Variants in NEGR1 observed in about 807,000 individuals in gnomAD.
NEGR1 encodes the protein neuronal growth regulator 1, also known as IgLON family member 4.
NEGR1 carries 10 observed loss-of-function variants against 40.9 expected under a neutral mutation model. The ratio of observed to expected loss-of-function variants is 0.24; its 90% confidence interval spans 0.15 to 0.42. The LOEUF is 0.42. Ranked by LOEUF, NEGR1 falls within the 10% of genes least tolerant of loss-of-function variation. NEGR1 has a pLI of 1.00. For synonymous variants in NEGR1, 185 were observed against 166.8 expected (o/e 1.11, Z -0.84); for missense variants, 352 against 438.9 (o/e 0.80, Z 1.77).
At chr1:72,147,995 CTG>C (rs1229592573) in intron 1 of NEGR1, among the ~76,000 whole-genome samples, 2 of 152,084 alleles carry the variant, frequency 1.3e-5, no homozygotes, top group East Asian at 3.9e-4. Context: ...CATTGAGTGT[CTG>C]TGGCTTTTCC....
At chr1:71,439,990 C>T (rs1453181202) in intron 6 of NEGR1, among the ~76,000 whole-genome samples, 1 of 151,972 alleles carries the variant, frequency 6.6e-6, no homozygotes, top group Non-Finnish European at 1.5e-5. Flanking sequence ...ATAGTACTTC[C>T]TGCATAATTT....
At chr1:71,934,998 C>T (rs988575409) in intron 2 of NEGR1, 81 bp downstream of exon 2, 1 of 783,756 alleles carries the variant, frequency 1.3e-6, no homozygotes, top group South Asian at 1.6e-5. Flanking sequence ...TTGTTAACTG[C>T]TTCCTAGTCA....
intron 6 of NEGR1, among the ~76,000 whole-genome samples, chr1:71,528,974 G>T (rs1352592204): frequency 6.6e-6 from 1 of 150,934 alleles, no homozygotes; most frequent in Non-Finnish European, 1.5e-5. Context: ...TTTATTTTTA[G>T]GTATAGATGA....
intron 3 of NEGR1, among the ~76,000 whole-genome samples, chr1:71,763,981 A>G (rs1356553925): frequency 6.6e-6 from 1 of 152,192 alleles, no homozygotes; most frequent in Admixed American, 6.5e-5. Context: ...GTGCTAAGCC[A>G]TGTAGTATAA....
chr1:71,935,462 T>C (rs982728024), intron 1 of NEGR1, 151 bp from the exon 2 acceptor site: 2 of 626,922 alleles, frequency 3.2e-6, no homozygotes, highest in African/African-American at 1.8e-5. Context: ...AACATACTGA[T>C]GCATCTTCCA....
intron 1 of NEGR1, among the ~76,000 whole-genome samples, chr1:72,213,637 C>T (rs1653691203): frequency 6.6e-6 from 1 of 151,544 alleles, no homozygotes; most frequent in Non-Finnish European, 1.5e-5. Flanking sequence ...ACCCAGAAGT[C>T]CCAAAATATT....
intron 3 of NEGR1, among the ~76,000 whole-genome samples, chr1:71,731,653 G>A (rs1358301054): frequency 6.6e-6 from 1 of 152,122 alleles, no homozygotes; most frequent in Non-Finnish European, 1.5e-5. Flanking sequence ...CTGTTCATCA[G>A]TAGAGCAGGC....
At chr1:71,815,698 C>T (rs920143766) in intron 2 of NEGR1, among the ~76,000 whole-genome samples, 53 of 152,086 alleles carry the variant, frequency 3.5e-4, no homozygotes, top group African/African-American at 1.3e-3. Flanking sequence ...ATAACATTGA[C>T]TGCCAATATT....
intron 3 of NEGR1, among the ~76,000 whole-genome samples, chr1:71,774,434 T>C (rs755716415): frequency 6.6e-6 from 1 of 152,186 alleles, no homozygotes. Context: ...ATGCATATTA[T>C]ATAAATATAT....
chr1:71,450,014 G>A (rs565989989), intron 6 of NEGR1, among the ~76,000 whole-genome samples: 4 of 146,306 alleles, frequency 2.7e-5, no homozygotes, highest in East Asian at 4.0e-4. Flanking sequence ...TTTTTGAGAC[G>A]GAGTCTTGCT....
intron 1 of NEGR1, among the ~76,000 whole-genome samples, chr1:72,213,103 GAATA>G (rs1653671322): frequency 6.6e-6 from 1 of 151,864 alleles, no homozygotes; most frequent in Non-Finnish European, 1.5e-5. Flanking sequence ...TGATGAAAAA[GAATA>G]AATATTGCAT....
intron 1 of NEGR1, among the ~76,000 whole-genome samples, chr1:71,942,412 T>C (rs1266983376): frequency 1.5e-5 from 2 of 136,800 alleles, no homozygotes; most frequent in African/African-American, 2.7e-5. Context: ...TTAATTCATA[T>C]AGTTTAGTTT....
At chr1:72,079,254 T>C (rs1647883262) in intron 1 of NEGR1, among the ~76,000 whole-genome samples, 1 of 151,898 alleles carries the variant, frequency 6.6e-6, no homozygotes, top group South Asian at 2.1e-4. Flanking sequence ...GCATGAGTTC[T>C]GAGTGACATA....
At chr1:71,884,580 C>A (rs908096104) in intron 2 of NEGR1, among the ~76,000 whole-genome samples, 1 of 152,232 alleles carries the variant, frequency 6.6e-6, no homozygotes, top group Non-Finnish European at 1.5e-5. Context: ...ATATCATATG[C>A]ACCTTTATTC....
intron 1 of NEGR1, among the ~76,000 whole-genome samples, chr1:72,078,596 T>C (rs1433691741): frequency 1.3e-5 from 2 of 149,124 alleles, no homozygotes; most frequent in Non-Finnish European, 3.0e-5. Flanking sequence ...TATAAATATA[T>C]GTATATTAAT....
intron 2 of NEGR1, among the ~76,000 whole-genome samples, chr1:71,853,524 G>C (rs955199305): frequency 1.3e-5 from 2 of 151,938 alleles, no homozygotes; most frequent in Admixed American, 1.3e-4. Context: ...CCTTTGTCTT[G>C]AAAAATGCCA....
At chr1:71,632,815 T>C (rs893415365) in intron 4 of NEGR1, among the ~76,000 whole-genome samples, 2 of 151,984 alleles carry the variant, frequency 1.3e-5, no homozygotes, top group Admixed American at 6.6e-5. Context: ...GAATGAATTA[T>C]AGTTTTCCTA....
intron 3 of NEGR1, among the ~76,000 whole-genome samples, chr1:71,708,815 C>T (rs1041268390): frequency 2.0e-5 from 3 of 152,164 alleles, no homozygotes; most frequent in African/African-American, 4.8e-5. Context: ...AATTCAGCTC[C>T]CACTTTATAA....
chr1:71,582,069 A>T (rs1357202541), intron 6 of NEGR1, among the ~76,000 whole-genome samples: 1 of 152,202 alleles, frequency 6.6e-6, no homozygotes, highest in East Asian at 1.9e-4. Flanking sequence ...TAGTGAAGCC[A>T]TTAAAATATT....
Sources: allele counts gnomAD v4.1 joint callset (sites outside exome capture counted in the v4.1 genomes callset), GRCh38; gene constraint gnomAD v4.1.1; transcripts MANE v1.5; gene names NCBI Gene and HGNC (gene_info 2026-07-23, HGNC 2026-07-21).